SYNE2: variants seen among roughly 807,000 people sequenced by gnomAD.
SYNE2 encodes spectrin repeat containing nuclear envelope protein 2.
Under a neutral mutation model 856.3 loss-of-function variants are expected in SYNE2, and 431 were observed. The observed-to-expected ratio is 0.50, with a 90% CI of 0.47 to 0.55. The LOEUF is 0.55. Ranked by LOEUF, SYNE2 falls within the 20% of genes least tolerant of loss-of-function variation. The probability of loss-of-function intolerance (pLI) is 0.00; values close to 1 mark genes in which losing one functional copy is unlikely to be tolerated. For synonymous variants in SYNE2, 2,923 were observed against 2,872.3 expected, an observed-to-expected ratio of 1.02 and a Z score of -0.56; for missense variants, 8,129 against 8,023.2, an observed-to-expected ratio of 1.01 and a Z score of -0.50.
rs147470935 is a variant in SYNE2, at chr14:64,223,238, A to G, written c.20240A>G (p.Gln6747Arg). ...VERQPQVDMLQEISNSLLIKG... is the reference protein window; with the variant it reads ...VERQPQVDMLREISNSLLIKG... The stretch of plus-strand genomic sequence containing the variant: ...CGTCAACCTCAAGTGGACATGTTAC[A>G]GGAGATTTCAAACAGCCTTCTCATT... The change falls in exon 113 of 116, where the codon CAG becomes CGG. Residue 6747 changes from glutamine (Q) to arginine (R), a missense_variant. Gln to Arg is a conservative substitution (Grantham distance 43, BLOSUM62 1). Transcript: ENST00000555002. 6.2e-7 allele frequency: 1 copy of G among 1,614,172 alleles called. No homozygotes were observed.
At chr14:63,988,768 C>T (rs956888012) in intron 19 of SYNE2, among the ~76,000 whole-genome samples, 1 of 152,152 alleles carries the variant, frequency 6.6e-6, no homozygotes, top group Non-Finnish European at 1.5e-5. Flanking sequence ...CAGACAAGAG[C>T]AGAGGGCTTG....
intron 45 of SYNE2, among the ~76,000 whole-genome samples, chr14:64,043,323 T>C (rs190054060): frequency 1.3e-5 from 2 of 152,188 alleles, no homozygotes; most frequent in Non-Finnish European, 2.9e-5. Context: ...TGTTTCAGTC[T>C]GACAATACGA....
intron 21 of SYNE2, 41 bp from the exon 22 acceptor site, chr14:63,993,794 G>A (rs762927806): frequency 1.3e-6 from 2 of 1,571,806 alleles, no homozygotes; most frequent in Non-Finnish European, 8.7e-7. Context: ...GCAGTAGAAT[G>A]AGGCTTTTAT....
chr14:64,102,064 A>G (rs1487517679), intron 64 of SYNE2, 22 bp downstream of exon 64: 2 of 1,562,324 alleles, frequency 1.3e-6, no homozygotes, highest in Non-Finnish European at 1.8e-6. Context: ...CGTATCAGCC[A>G]CGCTTAGGGG....
chr14:64,041,952 A>G (rs1043425937), intron 45 of SYNE2, among the ~76,000 whole-genome samples: 1 of 152,214 alleles, frequency 6.6e-6, no homozygotes, highest in Admixed American at 6.5e-5. Context: ...ATAACTATCT[A>G]TTGAGAATCA....
intron 101 of SYNE2, 127 bp downstream of exon 101, chr14:64,209,072 G>T: frequency 1.7e-6 from 2 of 1,189,922 alleles, no homozygotes; most frequent in Non-Finnish European, 2.4e-6. Flanking sequence ...GGCAGAGAAG[G>T]CCCAACGCTT....
chr14:63,809,891 C>T (rs1405784835), intron 1 of SYNE2, among the ~76,000 whole-genome samples: 1 of 152,040 alleles, frequency 6.6e-6, no homozygotes, highest in African/African-American at 2.4e-5. Context: ...CCAGAGGGCT[C>T]CTAAAAAAAT....
chr14:64,147,515 T>C (rs899764410), intron 84 of SYNE2, among the ~76,000 whole-genome samples: 1 of 152,196 alleles, frequency 6.6e-6, no homozygotes, highest in Non-Finnish European at 1.5e-5. Context: ...CAGTTGTTTC[T>C]CTTTTTGATA....
At chr14:64,190,813 C>A in intron 99 of SYNE2, 1 of 673,604 alleles carries the variant, frequency 1.5e-6, no homozygotes. Context: ...GCTATATTGG[C>A]CAGTGCAATC....
chr14:64,049,771 A>G lies in SYNE2; in HGVS notation c.7538A>G (p.Lys2513Arg). Residue 2513 changes from lysine (K) to arginine (R), a missense_variant, in exon 47 of 116, where the codon AAA becomes AGA. Physicochemically the swap from Lys to Arg is conservative, Grantham distance 26. Coordinates refer to ENST00000555002, the MANE Select transcript of SYNE2 (RefSeq NM_182914.3). ...NLLQALITLK[K>R]NKESQYCVLR... Reference sequence around the variant, plus strand: ...CTTCAGGCACTTATTACTTTGAAGAAAAACAAAGAAAGCCAATATTGTGTC... The same window carrying G: ...CTTCAGGCACTTATTACTTTGAAGAGAAACAAAGAAAGCCAATATTGTGTC... 1 of 1,614,162 alleles carries G rather than the reference A, an allele frequency of 6.2e-7. No individual in the cohort carries two copies. The highest frequency in any genetic ancestry group is 8.5e-7 in the Non-Finnish European group (1 of 1,180,024).
At chr14:64,075,902 T>C (rs778211966) in intron 53 of SYNE2, 43 bp from the exon 54 acceptor site, 2 of 1,609,492 alleles carry the variant, frequency 1.2e-6, no homozygotes, top group South Asian at 2.2e-5. Flanking sequence ...ATTAAACTTT[T>C]CCCCCAGTCT....
intron 21 of SYNE2, among the ~76,000 whole-genome samples, chr14:63,992,416 C>T (rs1287248900): frequency 6.6e-6 from 1 of 152,034 alleles, no homozygotes; most frequent in Non-Finnish European, 1.5e-5. Context: ...GCTGGTACTA[C>T]AGGCAAACAC....
intron 100 of SYNE2, among the ~76,000 whole-genome samples, chr14:64,203,545 C>A (rs1461646516): frequency 6.6e-6 from 1 of 152,194 alleles, no homozygotes; most frequent in East Asian, 1.9e-4. Flanking sequence ...TCTCATTGTA[C>A]CCACCTGACA....
intron 32 of SYNE2, among the ~76,000 whole-genome samples, chr14:64,014,751 A>G (rs1183874994): frequency 1.3e-5 from 2 of 151,812 alleles, no homozygotes; most frequent in Non-Finnish European, 2.9e-5. Context: ...GGAAACTGTC[A>G]AAATGTTTTT....
In SYNE2 at chr14:64,134,051, A is replaced by G. The variant is rs771178465; in HGVS notation, c.14515-18A>G. On this transcript the variant is annotated intron_variant, in intron 77 of 115. Transcript: ENST00000555002. ...CTGGTAAAGGGCTTCCACTAATTTT[A>G]TGTCCTTGATTCTCTAGAAATGGGA... 5 of 1,613,748 alleles carry G rather than the reference A, an allele frequency of 3.1e-6. No individual in the cohort carries two copies. Among genetic ancestry groups the G allele is most frequent in the Non-Finnish European group, 3.4e-6 (4 of 1,179,836 alleles).
intron 49 of SYNE2, among the ~76,000 whole-genome samples, chr14:64,057,932 A>G (rs1370821205): frequency 6.6e-6 from 1 of 152,132 alleles, no homozygotes; most frequent in East Asian, 1.9e-4. Flanking sequence ...AGAAATGTCT[A>G]TTCAGATCTT....
chr14:64,202,353 C>A, intron 99 of SYNE2: 1 of 699,014 alleles, frequency 1.4e-6, no homozygotes, highest in Admixed American at 2.0e-5. Flanking sequence ...GTGAACCAGG[C>A]GTGTAACATC....
At chr14:64,046,949 T>C (rs1387263824) in intron 45 of SYNE2, among the ~76,000 whole-genome samples, 1 of 152,218 alleles carries the variant, frequency 6.6e-6, no homozygotes, top group Non-Finnish European at 1.5e-5. Context: ...AGTTCTGCTG[T>C]CTGCAGATGG....
rs756879045 is a variant in SYNE2 at position 64,167,369 on chromosome 14, C to T, written c.16742C>T (p.Thr5581Met). 2.6e-5 allele frequency: 42 copies of T among 1,614,078 alleles called. No homozygotes were observed. Among genetic ancestry groups the T allele is most frequent in the Admixed American group, 2.3e-4 (14 of 59,994 alleles). Residue 5581 changes from threonine to methionine, a missense_variant, in exon 91 of 116, where the codon ACG becomes ATG. Physicochemically the swap from Thr to Met is moderately conservative, Grantham distance 81 (BLOSUM62 -1). This residue lies in a region of SYNE2 where 5,410 missense variants were observed against 5,284.8 expected (regional missense o/e 1.02). Coordinates refer to ENST00000555002, the MANE Select transcript of SYNE2 (RefSeq NM_182914.3). The part of the protein sequence containing the change: ...MNRQWIRATA[T>M]ALERCSELQG... ...CGGCAATGGATTCGGGCCACGGCCA[C>T]GGCACTGGAGCGCTGCAGGTTAGAA...
Sources: allele counts gnomAD v4.1 joint callset (sites outside exome capture counted in the v4.1 genomes callset), GRCh38; gene constraint gnomAD v4.1.1; regional missense constraint gnomAD v4.1.1; transcripts MANE v1.5; gene names NCBI Gene and HGNC (gene_info 2026-07-23, HGNC 2026-07-21).